The following DIS3L2 variants were observed in gnomAD, a reference collection of about 807,000 sequenced individuals.
DIS3L2 encodes DIS3 like 3'-5' exoribonuclease 2.
DIS3L2 carries 34 observed loss-of-function variants against 97.5 expected under a neutral mutation model. The observed-to-expected ratio is 0.35, with a 90% CI of 0.27 to 0.46. The LOEUF (loss-of-function observed/expected upper bound fraction) is 0.46, where lower values mean the gene tolerates loss of function less well. DIS3L2 is among the 20% of genes least tolerant of loss of function. DIS3L2 has a pLI of 1.00. For synonymous variants in DIS3L2, 435 were observed against 445.2 expected, an observed-to-expected ratio of 0.98 and a Z score of 0.29; for missense variants, 1,038 against 1,146.0, an observed-to-expected ratio of 0.91 and a Z score of 1.36.
intron 5 of DIS3L2, among the ~76,000 whole-genome samples, chr2:232,034,217 T>C (rs1559558552): frequency 6.6e-6 from 1 of 152,014 alleles, no homozygotes; most frequent in Non-Finnish European, 1.5e-5. Context: ...TGGGAAGAAT[T>C]TACCCATTTC....
At chr2:232,153,964 T>C (rs1312380790) in intron 8 of DIS3L2, among the ~76,000 whole-genome samples, 9 of 147,146 alleles carry the variant, frequency 6.1e-5, no homozygotes, top group Admixed American at 4.1e-4. Flanking sequence ...CATCTTCCAT[T>C]GCTGATACCC....
chr2:232,055,152 T>C (rs1574841080), intron 5 of DIS3L2, among the ~76,000 whole-genome samples: 1 of 152,298 alleles, frequency 6.6e-6, no homozygotes, highest in Middle Eastern at 3.4e-3. Flanking sequence ...GTTGAAACAG[T>C]GAAAGCTTTC....
In DIS3L2 at chr2:232,174,419, C is replaced by T. The variant is rs573841985; in HGVS notation, c.1124+10787C>T. Among the ~76,000 whole-genome samples, 151 of 151,882 alleles carry T rather than the reference C, an allele frequency of 9.9e-4. 3 individuals are homozygous for T. Among genetic ancestry groups the T allele is most frequent in the Middle Eastern group, 3.4e-3 (1 of 294 alleles). ...TGGGTAACATAGTGAAACCCCGTCT[C>T]TATTAAAAATACAAAAATTAGCCAG... is the stretch of plus-strand genomic sequence containing the variant. On this transcript the variant is annotated intron_variant, in intron 9 of 20. Coordinates refer to ENST00000325385, the MANE Select transcript of DIS3L2 (RefSeq NM_152383.5).
At chr2:232,201,225 C>A (rs546259309) in intron 9 of DIS3L2, among the ~76,000 whole-genome samples, 2 of 152,370 alleles carry the variant, frequency 1.3e-5, no homozygotes, top group East Asian at 3.9e-4. Context: ...GGCAGCCTAA[C>A]ATTTTGTGCC....
chr2:232,285,312 G>T (rs1390593425), intron 13 of DIS3L2, among the ~76,000 whole-genome samples: 1 of 152,094 alleles, frequency 6.6e-6, no homozygotes, highest in East Asian at 1.9e-4. Context: ...TCCCTGAGTG[G>T]ACTCACCTAG....
At chr2:232,140,837 T>G (rs1358047577) in intron 8 of DIS3L2, among the ~76,000 whole-genome samples, 1 of 152,184 alleles carries the variant, frequency 6.6e-6, no homozygotes, top group African/African-American at 2.4e-5. Context: ...TTCTTAGAAT[T>G]GTCATGAGAG....
chr2:231,972,231 A>G (rs1692941300), intron 1 of DIS3L2, among the ~76,000 whole-genome samples: 1 of 152,114 alleles, frequency 6.6e-6, no homozygotes, highest in Non-Finnish European at 1.5e-5. Flanking sequence ...ATAGGAGTAT[A>G]CTCTAAAATA....
intron 9 of DIS3L2, among the ~76,000 whole-genome samples, chr2:232,200,173 T>C (rs1433156914): frequency 6.6e-6 from 1 of 152,194 alleles, no homozygotes; most frequent in East Asian, 1.9e-4. Flanking sequence ...ATAAGAACTT[T>C]ATGGTATTAG....
At chr2:232,011,016 A>G (rs1694182720) in intron 1 of DIS3L2, among the ~76,000 whole-genome samples, 1 of 152,220 alleles carries the variant, frequency 6.6e-6, no homozygotes, top group African/African-American at 2.4e-5. Context: ...AGCCTTCTTC[A>G]GATTTGCCCT....
At chr2:231,980,697 C>CGA (rs1032456559) in intron 1 of DIS3L2, among the ~76,000 whole-genome samples, 5 of 150,482 alleles carry the variant, frequency 3.3e-5, no homozygotes, top group Admixed American at 6.6e-5. Flanking sequence ...GACTCCGTCT[C>CGA]GAGAGAGAGA....
intron 14 of DIS3L2, among the ~76,000 whole-genome samples, chr2:232,301,145 C>T (rs572749382): frequency 2.0e-5 from 3 of 152,220 alleles, no homozygotes; most frequent in East Asian, 1.9e-4. Context: ...ATAACAACCC[C>T]GGTGTGTTAT....
chr2:232,330,698 G>A lies in DIS3L2; in HGVS notation c.1932G>A (p.Leu644=), dbSNP rs1553550908. Residue 644 remains leucine (L), a synonymous_variant, in exon 16 of 21, where the codon CTG becomes CTA. Transcript: ENST00000325385. ...FSSAGALNKS[L]TQTFGDDKYS... Reference sequence around the variant, plus strand: ...CTGGGATTTGCTTCTAGAAAAGCCTGACCCAAACATTTGGAGATGACAAGT... The same window carrying A: ...CTGGGATTTGCTTCTAGAAAAGCCTAACCCAAACATTTGGAGATGACAAGT... 16 of 1,613,972 alleles carry A rather than the reference G, an allele frequency of 9.9e-6. No homozygotes were observed. Among genetic ancestry groups the A allele is most frequent in the Non-Finnish European group, 1.4e-5 (16 of 1,180,022 alleles).
intron 13 of DIS3L2, among the ~76,000 whole-genome samples, chr2:232,294,138 G>A (rs1372228135): frequency 3.3e-5 from 5 of 152,270 alleles, no homozygotes; most frequent in Non-Finnish European, 5.9e-5. Flanking sequence ...GCATCCCCTC[G>A]TACCTCATTG....
chr2:232,129,116 A>G (rs367652276), intron 6 of DIS3L2, among the ~76,000 whole-genome samples: 15 of 152,328 alleles, frequency 9.8e-5, no homozygotes, highest in African/African-American at 3.4e-4. Context: ...CAGTCATTTG[A>G]AGATGGAGCC....
chr2:232,301,867 CAG>C (rs1694866008), intron 14 of DIS3L2, among the ~76,000 whole-genome samples: 1 of 101,424 alleles, frequency 9.9e-6, no homozygotes, highest in Non-Finnish European at 1.9e-5. Flanking sequence ...TTAATAGAAA[CAG>C]TGTCTCATGA....
At chr2:231,979,178 A>G (rs1211876788) in intron 1 of DIS3L2, among the ~76,000 whole-genome samples, 2 of 152,030 alleles carry the variant, frequency 1.3e-5, no homozygotes, top group Non-Finnish European at 2.9e-5. Context: ...CTATGTTCTT[A>G]CTGTATTTAT....
At chr2:232,018,808 C>T (rs941258782) in intron 3 of DIS3L2, among the ~76,000 whole-genome samples, 8 of 152,150 alleles carry the variant, frequency 5.3e-5, no homozygotes, top group Non-Finnish European at 1.0e-4. Context: ...GAGGAGACCA[C>T]AGTTTCCTCT....
At chr2:232,176,563 A>G (rs1041434475) in intron 9 of DIS3L2, among the ~76,000 whole-genome samples, 3 of 149,888 alleles carry the variant, frequency 2.0e-5, no homozygotes, top group South Asian at 4.2e-4. Context: ...AGTTTATGTT[A>G]TTGAGTTCAG....
chr2:232,030,883 C>T (rs1277379539), intron 5 of DIS3L2, among the ~76,000 whole-genome samples: 1 of 150,236 alleles, frequency 6.7e-6, no homozygotes, highest in Non-Finnish European at 1.5e-5. Context: ...CTGAATTTGT[C>T]TTCATATCAT....
Sources: allele counts gnomAD v4.1 joint callset (sites outside exome capture counted in the v4.1 genomes callset), GRCh38; gene constraint gnomAD v4.1.1; transcripts MANE v1.5; gene names NCBI Gene and HGNC (gene_info 2026-07-23, HGNC 2026-07-21).